Variants in CEP295 observed in about 807,000 individuals in gnomAD.
The protein encoded by CEP295 is centrosomal protein of 295 kDa.
In CEP295, 190 loss-of-function variants were observed where a neutral mutation model predicts 291.6. That is an observed-to-expected ratio of 0.65 (90% confidence interval 0.58 to 0.73). The LOEUF is 0.73. Among genes scored for constraint, CEP295 ranks in the 30% least tolerant of loss-of-function variants. The pLI, the probability that CEP295 is intolerant of heterozygous loss-of-function variation, is 0.00. For synonymous variants in CEP295, 993 were observed against 1,038.8 expected (o/e 0.96, Z 0.85); for missense variants, 2,863 against 2,949.4 (o/e 0.97, Z 0.68).
chr11:93,676,887 G>GT (rs1363136578), intron 6 of CEP295, among the ~76,000 whole-genome samples: 2 of 151,908 alleles, frequency 1.3e-5, no homozygotes, highest in Non-Finnish European at 2.9e-5. Context: ...TAGATCAGTA[G>GT]TTATAATGAT....
chr11:93,724,582 C>A (rs1201715242), intron 22 of CEP295, among the ~76,000 whole-genome samples: 2 of 152,110 alleles, frequency 1.3e-5, no homozygotes, highest in Non-Finnish European at 2.9e-5. Context: ...GCCTGGCCAA[C>A]ATGGCAAAAC....
intron 18 of CEP295, among the ~76,000 whole-genome samples, chr11:93,717,560 A>T (rs1953358551): frequency 6.6e-6 from 1 of 152,188 alleles, no homozygotes; most frequent in Admixed American, 6.5e-5. Flanking sequence ...CTGTTTCAGT[A>T]CCTGAAAAGT....
intron 22 of CEP295, 69 bp from the exon 23 acceptor site, chr11:93,725,582 A>G: frequency 7.9e-7 from 1 of 1,261,944 alleles, no homozygotes. Flanking sequence ...CCAAAGGAAC[A>G]CAATGATTAT....
At chr11:93,723,764 C>T (rs1953931889) in intron 21 of CEP295, 1 of 157,156 alleles carries the variant, frequency 6.4e-6, no homozygotes, top group African/African-American at 2.4e-5. Context: ...CTTTTTTAAG[C>T]TTATACTGAA....
At chr11:93,719,205 T>G (rs963692954) in intron 18 of CEP295, among the ~76,000 whole-genome samples, 2 of 151,324 alleles carry the variant, frequency 1.3e-5, no homozygotes, top group Non-Finnish European at 2.9e-5. Flanking sequence ...TACATACAGA[T>G]AGATGTGTAC....
chr11:93,720,415 A>G (rs1004300087), intron 18 of CEP295, among the ~76,000 whole-genome samples: 1 of 141,080 alleles, frequency 7.1e-6, no homozygotes, highest in African/African-American at 2.6e-5. Flanking sequence ...TGGAGGTTGC[A>G]GTGAGTCGAG....
At chr11:93,702,990 G>C in intron 17 of CEP295, 71 bp downstream of exon 17, 2 of 1,261,002 alleles carry the variant, frequency 1.6e-6, no homozygotes, top group Non-Finnish European at 2.2e-6. Flanking sequence ...TTTAGATGGA[G>C]CCTTGCTCTG....
chr11:93,681,845 C>A (rs1489402162), intron 7 of CEP295, among the ~76,000 whole-genome samples: 1 of 119,486 alleles, frequency 8.4e-6, no homozygotes, highest in Non-Finnish European at 1.8e-5. Flanking sequence ...CCAAGCCTGG[C>A]TGTTTTTTGT....
chr11:93,675,177 G>A (rs1950628061), intron 5 of CEP295, among the ~76,000 whole-genome samples: 1 of 152,114 alleles, frequency 6.6e-6, no homozygotes, highest in South Asian at 2.1e-4. Flanking sequence ...TAGAATTTTT[G>A]TGATTAGATA....
At chr11:93,677,072 G>C (rs1199250236) in intron 6 of CEP295, among the ~76,000 whole-genome samples, 1 of 151,954 alleles carries the variant, frequency 6.6e-6, no homozygotes, top group Non-Finnish European at 1.5e-5. Context: ...TTTATTTGCT[G>C]CTTTACTGTA....
At chr11:93,679,595 C>T (rs1232407081) in intron 7 of CEP295, 43 bp downstream of exon 7, 2 of 1,517,684 alleles carry the variant, frequency 1.3e-6, no homozygotes, top group Non-Finnish European at 8.9e-7. Context: ...CATGGACTTA[C>T]TAATAGCATT....
At chr11:93,707,369 G>GTA (rs953285871) in intron 18 of CEP295, among the ~76,000 whole-genome samples, 281 of 151,662 alleles carry the variant, frequency 1.9e-3, no homozygotes, top group African/African-American at 6.4e-3. Flanking sequence ...ATTTATATAT[G>GTA]TATATATATA....
intron 15 of CEP295, 149 bp from the exon 16 acceptor site, chr11:93,702,311 A>AT (rs1294892703): frequency 1.9e-6 from 1 of 526,918 alleles, no homozygotes; most frequent in African/African-American, 2.0e-5. Flanking sequence ...AGCATATCTT[A>AT]TTTTTTATAT....
At chr11:93,724,405 G>T (rs1392379453) in intron 22 of CEP295, 30 bp downstream of exon 22, 2 of 1,537,036 alleles carry the variant, frequency 1.3e-6, no homozygotes, top group Non-Finnish European at 1.8e-6. Context: ...CCATTGCAGT[G>T]AATATCTAAA....
intron 3 of CEP295, 135 bp downstream of exon 3, chr11:93,667,942 T>C: frequency 1.6e-6 from 1 of 627,746 alleles, no homozygotes; most frequent in Non-Finnish European, 2.7e-6. Flanking sequence ...TTTTTATAAA[T>C]TTAATGTAAT....
At position 93,729,987 on chromosome 11, in the gene CEP295, T is replaced by TC; in HGVS notation, c.7667+18_7667+19insC. On this transcript the variant is annotated intron_variant, in intron 28 of 29. Coordinates refer to ENST00000325212, the MANE Select transcript of CEP295 (RefSeq NM_033395.2). ...GGTCTAAGGTAGGGTTAATTTTTTT[T>TC]TTTTTTTTAGTGATTCACTTTTTGC... 1 of 1,515,328 alleles carries TC rather than the reference T, an allele frequency of 6.6e-7. No homozygotes were observed. The highest frequency in any genetic ancestry group is 2.5e-5 in the East Asian group (1 of 40,754). The allele number at this position is 1,515,328 out of a possible 1,614,324, so 93.9% of individuals were successfully genotyped here. A position where few individuals can be genotyped will look rare whatever the true frequency, so the allele number is the denominator to read the frequency against.
At chr11:93,705,308 A>G (rs1201084203) in intron 17 of CEP295, among the ~76,000 whole-genome samples, 1 of 152,180 alleles carries the variant, frequency 6.6e-6, no homozygotes, top group Non-Finnish European at 1.5e-5. Flanking sequence ...AATATGCATA[A>G]ATAGATATAC....
chr11:93,706,079 C>T lies in CEP295; in HGVS notation c.5597-666C>T, dbSNP rs563041750. Among the ~76,000 whole-genome samples, 17 of 152,234 alleles carry T rather than the reference C, an allele frequency of 1.1e-4. No individual in the cohort carries two copies. In the East Asian group the frequency reaches 1.4e-3, roughly 12 times the overall value. ...CCTGGACCCCAGAGTGTATCAGATT[C>T]GTTTTCTCCAGAGAATAAACCTTTA... On this transcript the variant is annotated intron_variant, in intron 17 of 29. Coordinates refer to ENST00000325212, the MANE Select transcript of CEP295 (RefSeq NM_033395.2).
In CEP295 at chr11:93,722,367, T is replaced by G. The variant is rs992122294; in HGVS notation, c.5947+317T>G. On this transcript the variant is annotated intron_variant, in intron 20 of 29. Coordinates refer to ENST00000325212, the MANE Select transcript of CEP295 (RefSeq NM_033395.2). Reference sequence around the variant, plus strand: ...GTCCCAGCTACTCAGGAGGCTGAGGTGAGGGGATCGCTTGAGCCTGGGAGG... The same window carrying G: ...GTCCCAGCTACTCAGGAGGCTGAGGGGAGGGGATCGCTTGAGCCTGGGAGG... The G allele has an allele frequency of 2.4e-5, 6 of 249,904 alleles. No individual in the cohort carries two copies. The East Asian group carries it at 6.4e-4, about 27-fold the overall frequency. 15.5% of individuals were successfully genotyped at this position (249,904 alleles called of 1,614,324 possible).
Sources: allele counts gnomAD v4.1 joint callset (sites outside exome capture counted in the v4.1 genomes callset), GRCh38; gene constraint gnomAD v4.1.1; transcripts MANE v1.5; gene names NCBI Gene and HGNC (gene_info 2026-07-23, HGNC 2026-07-21).